The following ADGRB3 variants were observed in gnomAD, a reference collection of about 807,000 sequenced individuals.
ADGRB3 encodes adhesion G protein-coupled receptor B3.
In ADGRB3, 37 loss-of-function variants were observed where a neutral mutation model predicts 193.4. The ratio of observed to expected loss-of-function variants is 0.19; its 90% CI spans 0.15 to 0.25. ADGRB3 has a LOEUF of 0.25. ADGRB3 is among the 10% of genes least tolerant of loss of function. The pLI is 1.00. For missense variants in ADGRB3, 1,637 were observed against 1,852.9 expected, an observed-to-expected ratio of 0.88 and a Z score of 2.14; for synonymous variants, 690 against 644.2, an observed-to-expected ratio of 1.07 and a Z score of -1.08.
intron 3 of ADGRB3, among the ~76,000 whole-genome samples, chr6:68,812,741 G>C (rs1767538044): frequency 1.3e-5 from 2 of 151,030 alleles, no homozygotes; most frequent in South Asian, 2.1e-4. Flanking sequence ...TTGTTACATA[G>C]TTATACACGT....
At chr6:68,814,892 A>C (rs571699489) in intron 3 of ADGRB3, among the ~76,000 whole-genome samples, 1 of 152,168 alleles carries the variant, frequency 6.6e-6, no homozygotes, top group Non-Finnish European at 1.5e-5. Context: ...AAACCACATG[A>C]TTATCTCAAT....
chr6:69,031,018 TTTTTTTTCC>T, intron 13 of ADGRB3, among the ~76,000 whole-genome samples: 1 of 106,246 alleles, frequency 9.4e-6, no homozygotes, highest in Non-Finnish European at 2.0e-5. Flanking sequence ...TTCTTTTCTT[TTTTTTTTCC>T]TCTTCTCTTC....
chr6:68,880,798 T>C (rs539621683), intron 3 of ADGRB3, among the ~76,000 whole-genome samples: 1 of 152,332 alleles, frequency 6.6e-6, no homozygotes, highest in Non-Finnish European at 1.5e-5. Context: ...CATTCACAAA[T>C]TCATTCTACA....
At chr6:68,806,954 A>G (rs1767411855) in intron 3 of ADGRB3, among the ~76,000 whole-genome samples, 1 of 152,154 alleles carries the variant, frequency 6.6e-6, no homozygotes. Context: ...AGGTATGCAT[A>G]TCTTTAAGGC....
chr6:68,837,526 A>G (rs1267060357), intron 3 of ADGRB3, among the ~76,000 whole-genome samples: 1 of 152,222 alleles, frequency 6.6e-6, no homozygotes, highest in Non-Finnish European at 1.5e-5. Flanking sequence ...ATTTCTGTAG[A>G]GTATATATCC....
intron 23 of ADGRB3, chr6:69,332,609 A>G (rs950237227): frequency 1.0e-6 from 1 of 985,330 alleles, no homozygotes; most frequent in Non-Finnish European, 1.2e-6. Context: ...CTCAGGGTTG[A>G]CTCAGACAGA....
intron 3 of ADGRB3, among the ~76,000 whole-genome samples, chr6:68,913,516 G>T (rs1192220843): frequency 1.3e-5 from 2 of 152,082 alleles, no homozygotes; most frequent in African/African-American, 4.8e-5. Flanking sequence ...CAAACAGAAA[G>T]GACATCCACA....
At chr6:68,928,620 A>G (rs1165854578) in intron 3 of ADGRB3, among the ~76,000 whole-genome samples, 1 of 152,184 alleles carries the variant, frequency 6.6e-6, no homozygotes, top group Admixed American at 6.5e-5. Flanking sequence ...GCCTATTATC[A>G]TGCTGCCACT....
chr6:69,070,609 C>G (rs553701059), intron 16 of ADGRB3, among the ~76,000 whole-genome samples: 2 of 152,108 alleles, frequency 1.3e-5, no homozygotes, highest in South Asian at 2.1e-4. Context: ...CAGTGATTCT[C>G]TAAATTTGAT....
At chr6:68,910,434 G>T (rs1026876633) in intron 3 of ADGRB3, among the ~76,000 whole-genome samples, 31 of 152,052 alleles carry the variant, frequency 2.0e-4, no homozygotes, top group Non-Finnish European at 3.8e-4. Context: ...GTCAATTTTG[G>T]CTTTTGTTGC....
chr6:68,846,677 A>G (rs546803627), intron 3 of ADGRB3, among the ~76,000 whole-genome samples: 69 of 152,318 alleles, frequency 4.5e-4, no homozygotes, highest in African/African-American at 1.6e-3. Context: ...GAGGTTTGGG[A>G]AGCTCCACCT....
intron 3 of ADGRB3, among the ~76,000 whole-genome samples, chr6:68,873,162 G>C (rs1265278379): frequency 6.6e-6 from 1 of 152,118 alleles, no homozygotes; most frequent in African/African-American, 2.4e-5. Context: ...TATGAATTAA[G>C]AGTTTGCAAT....
intron 3 of ADGRB3, among the ~76,000 whole-genome samples, chr6:68,814,087 G>A (rs1767576237): frequency 6.6e-6 from 1 of 152,136 alleles, no homozygotes; most frequent in East Asian, 1.9e-4. Context: ...TGGGATGGCT[G>A]GGTCAAATGG....
intron 3 of ADGRB3, among the ~76,000 whole-genome samples, chr6:68,681,466 G>A (rs183176902): frequency 6.6e-6 from 1 of 152,100 alleles, no homozygotes; most frequent in East Asian, 1.9e-4. Flanking sequence ...TTTTTGTAGA[G>A]ATGGGGTCTC....
intron 13 of ADGRB3, among the ~76,000 whole-genome samples, chr6:69,026,291 G>A (rs1225277431): frequency 6.6e-6 from 1 of 152,156 alleles, no homozygotes; most frequent in Non-Finnish European, 1.5e-5. Context: ...TGACCAGGGA[G>A]GGCCTTTCAT....
At chr6:68,886,211 A>G (rs562080768) in intron 3 of ADGRB3, among the ~76,000 whole-genome samples, 2 of 152,204 alleles carry the variant, frequency 1.3e-5, no homozygotes, top group Admixed American at 1.3e-4. Flanking sequence ...ACTTGCTTGT[A>G]CTTGCAAGCT....
Position 69,298,844 on chromosome 6 carries a change from A to G in ADGRB3, c.2815-26028A>G, listed in dbSNP as rs138866795. Reference sequence around the variant, plus strand: ...AGTGAATAGTGCTGCAATAAATGTAAGAGCTCAGATATCTCTTCCATATAC... The same window carrying G: ...AGTGAATAGTGCTGCAATAAATGTAGGAGCTCAGATATCTCTTCCATATAC... On this transcript the variant is annotated intron_variant, in intron 20 of 31. Coordinates refer to ENST00000370598, the MANE Select transcript of ADGRB3 (RefSeq NM_001704.3). Among the ~76,000 whole-genome samples the G allele has an allele frequency of 1.1e-3, 171 of 152,102 alleles. 2 individuals are homozygous for G. The East Asian group carries it at 0.03, about 26-fold the overall frequency.
intron 10 of ADGRB3, among the ~76,000 whole-genome samples, chr6:68,982,549 C>T (rs1405475864): frequency 6.6e-6 from 1 of 152,188 alleles, no homozygotes; most frequent in Non-Finnish European, 1.5e-5. Context: ...TTCTAGCTTT[C>T]TGCCCAAGCA....
intron 17 of ADGRB3, among the ~76,000 whole-genome samples, chr6:69,154,687 G>T (rs1000715266): frequency 6.6e-6 from 1 of 152,122 alleles, no homozygotes; most frequent in African/African-American, 2.4e-5. Flanking sequence ...CTCTGCTAAC[G>T]TATAGGTCTA....
Sources: gnomAD v4.1 joint callset for allele counts (sites outside exome capture counted in the v4.1 genomes callset) on GRCh38, gnomAD v4.1.1 for gene constraint, MANE v1.5 for transcripts, NCBI Gene and HGNC (gene_info 2026-07-23, HGNC 2026-07-21) for gene names.